ANGPTL2: variants seen among roughly 807,000 people sequenced by gnomAD.
ANGPTL2 encodes the protein angiopoietin-related protein 2.
ANGPTL2 carries 25 observed loss-of-function variants against 52.8 expected under a neutral mutation model. That is an observed-to-expected ratio of 0.47 (90% CI 0.35 to 0.66). The LOEUF is 0.66. Ranked by LOEUF, ANGPTL2 falls within the 30% of genes least tolerant of loss-of-function variation. The pLI is 0.01. For missense variants in ANGPTL2, 546 were observed against 656.9 expected, an observed-to-expected ratio of 0.83 and a Z score of 1.84; for synonymous variants, 276 against 277.4, an observed-to-expected ratio of 1.00 and a Z score of 0.05.
At chr9:127,096,571 C>T (rs1365681578) in intron 2 of ANGPTL2, among the ~76,000 whole-genome samples, 3 of 152,222 alleles carry the variant, frequency 2.0e-5, no homozygotes, top group African/African-American at 7.2e-5. Context: ...CCAGCTGGGG[C>T]TGCCTTTGTG....
chr9:127,121,798 A>C (rs1348053302), intron 1 of ANGPTL2, among the ~76,000 whole-genome samples: 2 of 152,014 alleles, frequency 1.3e-5, no homozygotes, highest in African/African-American at 2.4e-5. Flanking sequence ...GGGTGTGAGC[A>C]GAGGCAGCCC....
At chr9:127,093,220 A>G (rs1589428079) in intron 3 of ANGPTL2, among the ~76,000 whole-genome samples, 1 of 152,112 alleles carries the variant, frequency 6.6e-6, no homozygotes, top group African/African-American at 2.4e-5. Flanking sequence ...ACAGATGAGC[A>G]TTTCAACTCC....
At chr9:127,117,050 G>A (rs2055507326) in intron 1 of ANGPTL2, among the ~76,000 whole-genome samples, 1 of 152,172 alleles carries the variant, frequency 6.6e-6, no homozygotes, top group South Asian at 2.1e-4. Flanking sequence ...GATCATGTCA[G>A]CGTCCTGCTT....
rs962759403 is a variant in ANGPTL2, at chr9:127,112,339, C to A, written c.-49-3559G>T. The stretch of plus-strand genomic sequence containing the variant: ...ACCCCAGAACAATGGGGAGGAGCCG[C>A]CCCCGACCCTGGGCTAGGGCAGGCC... On this transcript the variant is annotated intron_variant, in intron 1 of 4. Transcript: ENST00000373425. Among the ~76,000 whole-genome samples, 64 of 152,220 alleles carry A rather than the reference C, an allele frequency of 4.2e-4. 2 individuals are homozygous for A. The highest frequency in any genetic ancestry group is 4.4e-5 in the Non-Finnish European group (3 of 68,030).
Position 127,108,910 on chromosome 9 carries a change from T to C in ANGPTL2, c.-49-130A>G, listed in dbSNP as rs953692674. ...AACTCTGCTTCAGGATGCTGGGTTA[T>C]ATTCTCTTGGAGTCAGAGAACAGGC... is the stretch of plus-strand genomic sequence containing the variant. On this transcript the variant is annotated intron_variant, in intron 1 of 4. Transcript: ENST00000373425. The C allele has an allele frequency of 4.5e-6, 3 of 674,050 alleles. No homozygotes were observed. In the African/African-American group the frequency reaches 5.4e-5, roughly 12 times the overall value. The allele number at this position is 674,050 out of a possible 1,614,324, so 41.8% of individuals were successfully genotyped here. A position where few individuals can be genotyped will look rare whatever the true frequency, so the allele number is the denominator to read the frequency against.
rs537992120 is a variant in ANGPTL2 at position 127,088,337 on chromosome 9, A to G, written c.*602T>C. On this transcript the variant is annotated 3_prime_UTR_variant, in exon 5 of 5. Coordinates refer to ENST00000373425, the MANE Select transcript of ANGPTL2 (RefSeq NM_012098.3). ...TCTATGTGAGAGATTAGCATTGTAG[A>G]CATTCTGGAAGAATCCAGGCACACA... 45 of 152,620 alleles carry G rather than the reference A, an allele frequency of 2.9e-4. No individual in the cohort carries two copies. The highest frequency in any genetic ancestry group is 1.0e-3 in the African/African-American group (42 of 41,582). The allele number at this position is 152,620 out of a possible 1,614,324, so 9.5% of individuals were successfully genotyped here.
chr9:127,120,869 C>T (rs534245911), intron 1 of ANGPTL2, among the ~76,000 whole-genome samples: 1 of 152,234 alleles, frequency 6.6e-6, no homozygotes, highest in East Asian at 1.9e-4. Flanking sequence ...TCTTCCCTTC[C>T]CTCTGTGCCA....
intron 1 of ANGPTL2, among the ~76,000 whole-genome samples, chr9:127,118,924 G>A (rs976831546): frequency 3.3e-5 from 5 of 152,206 alleles, no homozygotes; most frequent in Non-Finnish European, 7.3e-5. Flanking sequence ...GAAATTGCTC[G>A]TGTGTGGCCC....
At chr9:127,100,891 A>G (rs2053655998) in intron 2 of ANGPTL2, among the ~76,000 whole-genome samples, 3 of 152,118 alleles carry the variant, frequency 2.0e-5, no homozygotes, top group Admixed American at 6.5e-5. Flanking sequence ...ATGCTCACGA[A>G]CCCTTTGTGT....
chr9:127,104,388 C>T (rs919491043), intron 2 of ANGPTL2, among the ~76,000 whole-genome samples: 2 of 152,248 alleles, frequency 1.3e-5, no homozygotes, highest in African/African-American at 4.8e-5. Flanking sequence ...CAGGTGCCTG[C>T]TCTATCCTTT....
chr9:127,103,295 C>G (rs1020233142), intron 2 of ANGPTL2, among the ~76,000 whole-genome samples: 1 of 152,224 alleles, frequency 6.6e-6, no homozygotes, highest in Non-Finnish European at 1.5e-5. Flanking sequence ...CCATGCCATC[C>G]TGGCCATAGC....
At chr9:127,099,065 G>C (rs947070642) in intron 2 of ANGPTL2, among the ~76,000 whole-genome samples, 2 of 152,210 alleles carry the variant, frequency 1.3e-5, no homozygotes, top group Non-Finnish European at 2.9e-5. Context: ...CGTGCCTGAG[G>C]TGTGGGGGGA....
In ANGPTL2 at chr9:127,091,172, A is replaced by G. The variant is rs2052421664; in HGVS notation, c.1282+498T>C. Among the ~76,000 whole-genome samples, 1 of 152,090 alleles carries G rather than the reference A, an allele frequency of 6.6e-6. No homozygotes were observed. Among genetic ancestry groups the G allele is most frequent in the South Asian group, 2.1e-4 (1 of 4,832 alleles). On this transcript the variant is annotated intron_variant, in intron 4 of 4. Transcript: ENST00000373425. This position sits in a 1 kb window ranked among gnomAD's most constrained non-coding sequence, Gnocchi z 4.3. ...GTACATTCTCTCTACCCTTCTCCCT[A>G]CTCTGCAATGTAGTTCTTGTCCTTA...
chr9:127,113,828 C>T (rs2055115239), intron 1 of ANGPTL2, among the ~76,000 whole-genome samples: 1 of 152,152 alleles, frequency 6.6e-6, no homozygotes, highest in Non-Finnish European at 1.5e-5. Context: ...TGAATGTCCC[C>T]GCTTGGCCTG....
chr9:127,090,188 C>T (rs1215715252), intron 4 of ANGPTL2, among the ~76,000 whole-genome samples: 4 of 152,192 alleles, frequency 2.6e-5, no homozygotes, highest in Non-Finnish European at 5.9e-5. Flanking sequence ...TCCTCTTTGC[C>T]AGCGGAGGTC....
chr9:127,092,809 A>G, intron 3 of ANGPTL2, among the ~76,000 whole-genome samples: 1 of 152,058 alleles, frequency 6.6e-6, no homozygotes, highest in East Asian at 1.9e-4. Context: ...AGGAGAAAAA[A>G]GCAGAGACAC....
chr9:127,093,866 AG>A lies in ANGPTL2; in HGVS notation c.877del (p.Leu293TrpfsTer2), dbSNP rs2052786848. On this transcript the variant is annotated frameshift_variant, in exon 3 of 5. Coordinates refer to ENST00000373425, the MANE Select transcript of ANGPTL2 (RefSeq NM_012098.3). LOFTEE classifies it high-confidence loss of function. ...GCGGTTGGTGTTCTCCGGCTTCACC[AG>A]GTAGATGGAGCTGGTGTCGTGGCCA... ...EDGHDTSSIY[L>X]VKPENTNRLM... is the part of the protein sequence containing the mutation. The A allele has an allele frequency of 6.2e-7, 1 of 1,613,888 alleles. No individual in the cohort carries two copies. The highest frequency in any genetic ancestry group is 1.3e-5 in the African/African-American group (1 of 74,870).
intron 1 of ANGPTL2, among the ~76,000 whole-genome samples, chr9:127,110,983 T>C (rs2054754486): frequency 6.6e-6 from 1 of 152,064 alleles, no homozygotes; most frequent in South Asian, 2.1e-4. Flanking sequence ...GGGGTCACTC[T>C]TCTATTCAAA....
At chr9:127,109,352 C>T (rs1440907491) in intron 1 of ANGPTL2, among the ~76,000 whole-genome samples, 3 of 152,218 alleles carry the variant, frequency 2.0e-5, no homozygotes, top group African/African-American at 7.2e-5. Flanking sequence ...CAGGATATTG[C>T]ACTTTGGGCA....
Sources: gnomAD v4.1 joint callset for allele counts (sites outside exome capture counted in the v4.1 genomes callset) on GRCh38, gnomAD v4.1.1 for gene constraint, Gnocchi (gnomAD v3.1) non-coding constraint, MANE v1.5 for transcripts, NCBI Gene and HGNC (gene_info 2026-07-23, HGNC 2026-07-21) for gene names.